CC2D1A: variants seen among roughly 807,000 people sequenced by gnomAD.
CC2D1A encodes the protein coiled-coil and C2 domain containing 1A.
In CC2D1A, 68 loss-of-function variants were observed where a neutral mutation model predicts 123.8. The observed-to-expected ratio is 0.55, with a 90% CI of 0.45 to 0.67. CC2D1A has a LOEUF of 0.67. CC2D1A is among the 30% of genes least tolerant of loss of function. The pLI is 0.00. For missense variants in CC2D1A, 1,185 were observed against 1,290.3 expected, an observed-to-expected ratio of 0.92 and a Z score of 1.25; for synonymous variants, 477 against 528.0, an observed-to-expected ratio of 0.90 and a Z score of 1.32.
At chr19:13,912,467 T>A in intron 3 of CC2D1A, 29 bp downstream of exon 3, 7 of 1,614,016 alleles carry the variant, frequency 4.3e-6, no homozygotes, top group Non-Finnish European at 5.9e-6. Flanking sequence ...GTGGGGGCTC[T>A]GATCCGGTTG....
At position 13,912,330 on chromosome 19, in the gene CC2D1A, G is replaced by A; in HGVS notation, c.204G>A (p.Leu68=). 6.2e-7 allele frequency: 1 copy of A among 1,602,270 alleles called. No individual in the cohort carries two copies. The highest frequency in any genetic ancestry group is 8.5e-7 in the Non-Finnish European group (1 of 1,174,658). ...GCATCCCCCTACCGCCAGGTCCCTT[G>A]CCGATGGAGGCCATTGAGAAGATGG... The part of the protein sequence containing the change: ...ALEKLKGKGP[L]PMEAIEKMAS... The change falls in exon 3 of 29, where the codon TTG becomes TTA. Residue 68 remains leucine, a synonymous_variant. Coordinates refer to ENST00000318003, the MANE Select transcript of CC2D1A (RefSeq NM_017721.5).
At chr19:13,919,263 A>G (rs1270276854) in intron 11 of CC2D1A, 61 bp downstream of exon 11, 1 of 1,294,622 alleles carries the variant, frequency 7.7e-7, no homozygotes, top group South Asian at 1.4e-5. Context: ...CCCCGCCCCC[A>G]GAGGCCCCGC....
intron 6 of CC2D1A, 94 bp from the exon 7 acceptor site, chr19:13,917,976 G>GAA: frequency 3.8e-6 from 5 of 1,325,272 alleles, no homozygotes; most frequent in Non-Finnish European, 5.1e-6. Flanking sequence ...GTCTGAAAAA[G>GAA]AAAAAAAAAA....
Position 13,928,177 on chromosome 19 carries a change from G to C in CC2D1A, c.2508G>C (p.Glu836Asp), listed in dbSNP as rs34146052. The C allele has an allele frequency of 1.2e-4, 189 of 1,613,556 alleles. 1 individual carries two copies. In the African/African-American group the frequency reaches 2.1e-3, roughly 18 times the overall value. ...KAPPVPAPAR[E>D]SGNRSARPLH... ...CTCCTGTGCCTGCCCCTGCAAGGGA[G>C]TCAGGGAACAGGTAGGTATCTGGGC... is the stretch of plus-strand genomic sequence containing the variant. Residue 836 changes from glutamate to aspartate, a missense_variant, in exon 24 of 29, where the codon GAG becomes GAC. Glu to Asp is a conservative substitution (Grantham distance 45, BLOSUM62 2). Transcript: ENST00000318003.
Position 13,928,199 on chromosome 19 carries a change from G to C in CC2D1A, c.2519+11G>C, listed in dbSNP as rs1278218574. On this transcript the variant is annotated intron_variant, in intron 24 of 28. Coordinates refer to ENST00000318003, the MANE Select transcript of CC2D1A (RefSeq NM_017721.5). ...GGAGTCAGGGAACAGGTAGGTATCT[G>C]GGCCAGGGCATGCTGGAGAAAACAC... The C allele has an allele frequency of 6.2e-7, 1 of 1,612,044 alleles. No individual in the cohort carries two copies. Among genetic ancestry groups the C allele is most frequent in the African/African-American group, 1.3e-5 (1 of 74,978 alleles).
chr19:13,928,493 A>AC (rs1393332292), intron 24 of CC2D1A, among the ~76,000 whole-genome samples: 1 of 151,366 alleles, frequency 6.6e-6, no homozygotes, highest in African/African-American at 2.4e-5. Context: ...GAACACCCCT[A>AC]CCTAGGGTAG....
At chr19:13,926,018 A>ACG (rs2145362847) in intron 17 of CC2D1A, among the ~76,000 whole-genome samples, 1 of 108,136 alleles carries the variant, frequency 9.2e-6, no homozygotes, top group African/African-American at 6.3e-5. Flanking sequence ...ATATATACGT[A>ACG]TATATATGTG....
intron 22 of CC2D1A, 35 bp from the exon 23 acceptor site, chr19:13,927,858 C>T (rs1971701500): frequency 1.2e-6 from 2 of 1,606,838 alleles, no homozygotes; most frequent in South Asian, 1.1e-5. Context: ...TCACTTCCTG[C>T]TTCCCACCAA....
At chr19:13,929,284 C>T in intron 24 of CC2D1A, 95 bp from the exon 25 acceptor site, 2 of 1,299,370 alleles carry the variant, frequency 1.5e-6, no homozygotes, top group Non-Finnish European at 2.2e-6. Flanking sequence ...GGATTACAGG[C>T]GTGAGCCACT....
At chr19:13,917,930 C>A in intron 6 of CC2D1A, 140 bp from the exon 7 acceptor site, 1 of 838,134 alleles carries the variant, frequency 1.2e-6, no homozygotes. Context: ...GAGATTGCGC[C>A]ACTGTACCCC....
chr19:13,927,979 G>C lies in CC2D1A; in HGVS notation c.2403G>C (p.Thr801=). The C allele has an allele frequency of 6.2e-7, 1 of 1,613,776 alleles. No homozygotes were observed. Among genetic ancestry groups the C allele is most frequent in the Non-Finnish European group, 8.5e-7 (1 of 1,179,912 alleles). Residue 801 remains threonine, a synonymous_variant, in exon 23 of 29, where the codon ACG becomes ACC. Transcript: ENST00000318003. ...REPLTAQQLE[T]TTERWLVIDP... is the part of the protein sequence containing the mutation. ...CACTGACAGCCCAGCAGTTGGAGACGACGACAGAGAGGTGGCTGGTCATTG... is the reference window on the plus strand; with the variant it reads ...CACTGACAGCCCAGCAGTTGGAGACCACGACAGAGAGGTGGCTGGTCATTG...
In CC2D1A at chr19:13,923,430, C is replaced by G; in HGVS notation, c.1739C>G (p.Thr580Ser). 6.2e-7 allele frequency: 1 copy of G among 1,614,040 alleles called. No individual in the cohort carries two copies. Among genetic ancestry groups the G allele is most frequent in the Non-Finnish European group, 8.5e-7 (1 of 1,180,022 alleles). The change falls in exon 15 of 29, where the codon ACC (threonine) becomes AGC (serine). Residue 580 changes from threonine to serine, a missense_variant. Thr to Ser is a moderately conservative substitution (Grantham distance 58, BLOSUM62 1). Transcript: ENST00000318003. The surrounding 1 kb of genome is among the most constrained non-coding windows in gnomAD (Gnocchi z 5.3). Reference protein sequence around the residue: ...QEAARRYGELTKLIRQQHEMC... With the variant: ...QEAARRYGELSKLIRQQHEMC... ...GCCGCCCGGCGCTATGGTGAACTCA[C>G]CAAGCTCATACGGCAGCAGCACGAG...
chr19:13,926,065 T>TATACACAC (rs367555984), intron 17 of CC2D1A, among the ~76,000 whole-genome samples: 1 of 128,080 alleles, frequency 7.8e-6, no homozygotes, highest in African/African-American at 3.6e-5. Flanking sequence ...TATGTATATA[T>TATACACAC]ACACACACAC....
At position 13,926,960 on chromosome 19, in the gene CC2D1A, C is replaced by G; in HGVS notation, c.2126-18C>G. 1.2e-6 allele frequency: 2 copies of G among 1,613,362 alleles called. No individual in the cohort carries two copies. Among genetic ancestry groups the G allele is most frequent in the Non-Finnish European group, 1.7e-6 (2 of 1,179,358 alleles). Reference sequence around the variant, plus strand: ...GGCCTGACCCCACCCAACTTCCTCTCCCTCCTTCCTCCTGCAGAGTTCAAG... The same window carrying G: ...GGCCTGACCCCACCCAACTTCCTCTGCCTCCTTCCTCCTGCAGAGTTCAAG... On this transcript the variant is annotated intron_variant, in intron 20 of 28. Coordinates refer to ENST00000318003, the MANE Select transcript of CC2D1A (RefSeq NM_017721.5).
Position 13,920,855 on chromosome 19 carries a change from G to A in CC2D1A, c.1574G>A (p.Arg525His), listed in dbSNP as rs745708547. The part of the protein sequence containing the change: ...NDVEGAKMHL[R>H]QAKGLEPMLE... ...GTGGAGGGTGCCAAGATGCACCTGCGCCAAGCCAAGGGACTGGAGCCTATG... is the reference window on the plus strand; with the variant it reads ...GTGGAGGGTGCCAAGATGCACCTGCACCAAGCCAAGGGACTGGAGCCTATG... Residue 525 changes from arginine (R) to histidine (H), a missense_variant, in exon 14 of 29, where the codon CGC becomes CAC. Physicochemically the swap from Arg to His is conservative, Grantham distance 29. Coordinates refer to ENST00000318003, the MANE Select transcript of CC2D1A (RefSeq NM_017721.5). 3.7e-6 allele frequency: 6 copies of A among 1,614,130 alleles called. No homozygotes were observed. Among genetic ancestry groups the A allele is most frequent in the East Asian group, 2.2e-5 (1 of 44,876 alleles).
Position 13,913,337 on chromosome 19 carries a change from C to T in CC2D1A, c.513+35C>T, listed in dbSNP as rs189622650. 1,054 of 1,605,504 alleles carry T rather than the reference C, an allele frequency of 6.6e-4. 1 individual carries two copies. Among genetic ancestry groups the T allele is most frequent in the Non-Finnish European group, 8.0e-4 (937 of 1,174,634 alleles). On this transcript the variant is annotated intron_variant, in intron 5 of 28. Coordinates refer to ENST00000318003, the MANE Select transcript of CC2D1A (RefSeq NM_017721.5). ...CAGAGGGCAGGGTACAGGGACCCCC[C>T]GCCAACCCCGATGCCCTGCACCAAG...
rs1369080033 is a variant in CC2D1A at position 13,930,473 on chromosome 19, C to A, written c.*78C>A. The A allele has an allele frequency of 1.4e-6, 2 of 1,430,598 alleles. No homozygotes were observed. The highest frequency in any genetic ancestry group is 4.9e-5 in the East Asian group (2 of 40,812). The allele number at this position is 1,430,598 out of a possible 1,614,324, so 88.6% of individuals were successfully genotyped here. ...GGGAAGAGCCGACACAGCCACGAAC[C>A]AGACAAGCAGACAATCAGCGGACAA... On this transcript the variant is annotated 3_prime_UTR_variant, in exon 29 of 29. Transcript: ENST00000318003. The surrounding 1 kb of genome is among the most constrained non-coding windows in gnomAD (Gnocchi z 6.8).
In CC2D1A at chr19:13,916,318, A is replaced by C. The variant is rs79051220; in HGVS notation, c.749-1752A>C. Among the ~76,000 whole-genome samples the C allele has an allele frequency of 2.8e-3, 429 of 152,046 alleles. 2 individuals carry two copies. The highest frequency in any genetic ancestry group is 9.8e-3 in the African/African-American group (407 of 41,474). On this transcript the variant is annotated intron_variant, in intron 6 of 28. Transcript: ENST00000318003. The stretch of plus-strand genomic sequence containing the variant: ...GGTGGCTCACACCTATAATTCCAGC[A>C]CTCTGGGAGGCCAAGGTGGGAGGAT...
At chr19:13,918,036 C>G (rs1971268936) in intron 6 of CC2D1A, 34 bp from the exon 7 acceptor site, 1 of 1,611,108 alleles carries the variant, frequency 6.2e-7, no homozygotes, top group South Asian at 1.1e-5. Context: ...GGCCCAGGCC[C>G]TGGAGGCTTC....
Sources: allele counts gnomAD v4.1 joint callset (sites outside exome capture counted in the v4.1 genomes callset), GRCh38; gene constraint gnomAD v4.1.1; non-coding constraint Gnocchi (gnomAD v3.1); transcripts MANE v1.5; gene names NCBI Gene and HGNC (gene_info 2026-07-23, HGNC 2026-07-21).